The following LPAR1 variants were observed in gnomAD, a reference collection of about 807,000 sequenced individuals.
The protein encoded by LPAR1 is LPA receptor 1.
In LPAR1, 5 loss-of-function variants were observed where a neutral mutation model predicts 23.8. The ratio of observed to expected loss-of-function variants is 0.21; its 90% CI spans 0.11 to 0.44. The LOEUF (loss-of-function observed/expected upper bound fraction) is 0.44. LPAR1 is among the 20% of genes least tolerant of loss of function. The probability of loss-of-function intolerance (pLI) is 0.99; values close to 1 mark genes in which losing one functional copy is unlikely to be tolerated. For missense variants in LPAR1, 311 were observed against 482.8 expected (o/e 0.64, Z 3.33); for synonymous variants, 160 against 164.7 (o/e 0.97, Z 0.22).
chr9:110,946,379 A>C (rs1163327592), intron 4 of LPAR1, among the ~76,000 whole-genome samples: 1 of 152,232 alleles, frequency 6.6e-6, no homozygotes, highest in African/African-American at 2.4e-5. Flanking sequence ...AAAGCAACTA[A>C]AATGTAGGTG....
intron 2 of LPAR1, among the ~76,000 whole-genome samples, chr9:110,996,709 G>A (rs182955411): frequency 3.9e-4 from 60 of 152,328 alleles, no homozygotes; most frequent in Admixed American, 2.7e-3. Flanking sequence ...CAGTAATACA[G>A]TGCTGGGGGC....
chr9:110,885,186 C>T lies in LPAR1; in HGVS notation c.794-9464G>A, dbSNP rs143878769. Among the ~76,000 whole-genome samples, 436 of 152,200 alleles carry T rather than the reference C, an allele frequency of 2.9e-3. 1 individual carries two copies. The highest frequency in any genetic ancestry group is 9.7e-3 in the African/African-American group (405 of 41,540). ...AAGCTATTAATTAGAGTTTATTTGA[C>T]GTTATTTTGTGTTTCCTATACTATC... is the stretch of plus-strand genomic sequence containing the variant. On this transcript the variant is annotated intron_variant, in intron 5 of 5. Transcript: ENST00000683809.
chr9:111,038,856 C>G (rs2097950110), upstream of LPAR1, among the ~76,000 whole-genome samples: 1 of 152,268 alleles, frequency 6.6e-6, no homozygotes, highest in Non-Finnish European at 1.5e-5. This position sits in a 1 kb window ranked among gnomAD's most constrained non-coding sequence, Gnocchi z 4.4. Flanking sequence ...CACCCCCGCC[C>G]CTCCTGCGCT....
At chr9:110,921,539 C>T (rs1242333091) in intron 5 of LPAR1, among the ~76,000 whole-genome samples, 1 of 152,158 alleles carries the variant, frequency 6.6e-6, no homozygotes, top group Admixed American at 6.5e-5. Flanking sequence ...CTCTATTTTA[C>T]AGATGAGGAA....
chr9:110,956,620 A>G (rs2095763427), intron 4 of LPAR1, among the ~76,000 whole-genome samples: 1 of 152,110 alleles, frequency 6.6e-6, no homozygotes, highest in African/African-American at 2.4e-5. Context: ...AGTATAACTG[A>G]TACCATAGAA....
intron 5 of LPAR1, among the ~76,000 whole-genome samples, chr9:110,934,908 G>A (rs1364331722): frequency 1.3e-5 from 2 of 152,010 alleles, no homozygotes; most frequent in African/African-American, 4.8e-5. Context: ...CAAGTGGAAT[G>A]AAAAATAGTA....
rs563808409 is a variant in LPAR1, at chr9:110,983,916, C to T, written c.-181-10358G>A. 2.6e-5 allele frequency among the ~76,000 whole-genome samples: 4 copies of T among 152,116 alleles called. No individual in the cohort carries two copies. The South Asian group carries it at 6.2e-4, about 24-fold the overall frequency. ...ACGACTCAAAAATTCTACAGCCAATCAAGCCTTTGTTTACCTGCAATAACA... is the reference window on the plus strand; with the variant it reads ...ACGACTCAAAAATTCTACAGCCAATTAAGCCTTTGTTTACCTGCAATAACA... On this transcript the variant is annotated intron_variant, in intron 2 of 5. Transcript: ENST00000683809.
intron 2 of LPAR1, among the ~76,000 whole-genome samples, chr9:110,988,009 G>C (rs1186055881): frequency 6.6e-6 from 1 of 151,742 alleles, no homozygotes; most frequent in Non-Finnish European, 1.5e-5. Context: ...ACCTAGAGAG[G>C]AACAAGGATA....
chr9:110,953,907 G>A (rs1234167014), intron 4 of LPAR1, among the ~76,000 whole-genome samples: 2 of 151,906 alleles, frequency 1.3e-5, no homozygotes, highest in East Asian at 3.8e-4. Flanking sequence ...AAAAAAGCAA[G>A]GAACTATGAC....
intron 5 of LPAR1, among the ~76,000 whole-genome samples, chr9:110,907,916 AACACACACACAC>A (rs35043548): frequency 7.9e-5 from 11 of 139,714 alleles, no homozygotes; most frequent in Admixed American, 3.6e-4. Context: ...CCTTTGACAA[AACACACACACAC>A]ACACACACAC....
intron 2 of LPAR1, among the ~76,000 whole-genome samples, chr9:110,983,469 C>T (rs1399951715): frequency 6.6e-6 from 1 of 151,978 alleles, no homozygotes; most frequent in Non-Finnish European, 1.5e-5. Context: ...AGACAAAGTA[C>T]AGTAGTACTT....
chr9:111,006,216 G>A (rs906947476), intron 2 of LPAR1, among the ~76,000 whole-genome samples: 3 of 152,144 alleles, frequency 2.0e-5, no homozygotes, highest in Non-Finnish European at 4.4e-5. Flanking sequence ...ATGCATGCAT[G>A]CAAAAGGCTG....
chr9:111,028,906 A>AT (rs1407792802), intron 2 of LPAR1, among the ~76,000 whole-genome samples: 17 of 152,164 alleles, frequency 1.1e-4, no homozygotes, highest in South Asian at 2.1e-4. Context: ...TATTGTAAGG[A>AT]TTTTTTTCCA....
At chr9:110,976,989 T>C (rs2096566810) in intron 2 of LPAR1, among the ~76,000 whole-genome samples, 1 of 152,146 alleles carries the variant, frequency 6.6e-6, no homozygotes, top group African/African-American at 2.4e-5. Flanking sequence ...GACCAGTTGA[T>C]TATAACAGAG....
intron 5 of LPAR1, among the ~76,000 whole-genome samples, chr9:110,906,631 T>C (rs1243113587): frequency 1.3e-5 from 2 of 152,150 alleles, no homozygotes; most frequent in African/African-American, 4.8e-5. Context: ...CTCTTACACT[T>C]AGGGAAACAA....
intron 5 of LPAR1, among the ~76,000 whole-genome samples, chr9:110,898,782 C>T (rs951579543): frequency 5.3e-5 from 8 of 152,178 alleles, no homozygotes; most frequent in Non-Finnish European, 1.0e-4. Context: ...TTTTAATTTG[C>T]TCCTTTTCTG....
At chr9:111,037,411 C>A (rs986432326) in intron 1 of LPAR1, among the ~76,000 whole-genome samples, 1 of 152,160 alleles carries the variant, frequency 6.6e-6, no homozygotes, top group East Asian at 1.9e-4. Context: ...GTCCTGAATG[C>A]CTTCACTCTT....
chr9:110,966,334 C>G (rs995373999), intron 4 of LPAR1, among the ~76,000 whole-genome samples: 2 of 151,970 alleles, frequency 1.3e-5, no homozygotes, highest in Non-Finnish European at 2.9e-5. Flanking sequence ...TAAAAATTAG[C>G]CAGGCATGGT....
At chr9:111,023,574 T>G (rs141932789) in intron 2 of LPAR1, among the ~76,000 whole-genome samples, 1 of 152,222 alleles carries the variant, frequency 6.6e-6, no homozygotes, top group Non-Finnish European at 1.5e-5. Flanking sequence ...ATGCCACCAG[T>G]GATAACGACT....
Sources: allele counts gnomAD v4.1 joint callset (sites outside exome capture counted in the v4.1 genomes callset), GRCh38; gene constraint gnomAD v4.1.1; non-coding constraint Gnocchi (gnomAD v3.1); transcripts MANE v1.5; gene names NCBI Gene and HGNC (gene_info 2026-07-23, HGNC 2026-07-21).